The following COLEC10 variants were observed in gnomAD, a reference collection of about 807,000 sequenced individuals.
The protein encoded by COLEC10 is collectin-10.
COLEC10 carries 22 observed loss-of-function variants against 28.4 expected under a neutral mutation model. The observed-to-expected ratio is 0.78, with a 90% CI of 0.55 to 1.11. The LOEUF is 1.11. COLEC10 is among the 50% of genes least tolerant of loss of function. The pLI, the probability that COLEC10 is intolerant of heterozygous loss-of-function variation, is 0.00. For missense variants in COLEC10, 361 were observed against 344.1 expected (o/e 1.05, Z -0.39); for synonymous variants, 125 against 116.1 (o/e 1.08, Z -0.49).
chr8:118,983,832 T>C, the COLEC10 span, among the ~76,000 whole-genome samples: 3 of 152,008 alleles, frequency 2.0e-5, no homozygotes, highest in Admixed American at 1.3e-4. Flanking sequence ...AATAAAAAAA[T>C]AACAGATGCT....
chr8:118,978,204 A>G, the COLEC10 span, among the ~76,000 whole-genome samples: 1 of 152,140 alleles, frequency 6.6e-6, no homozygotes, highest in Admixed American at 6.6e-5. Context: ...TCATAATTCA[A>G]GTATTTCAAG....
At chr8:119,066,240 G>C (rs2130211188), upstream of COLEC10, among the ~76,000 whole-genome samples, 1 of 152,272 alleles carries the variant, frequency 6.6e-6, no homozygotes, top group South Asian at 2.1e-4. Context: ...CAAGAATGGA[G>C]AAGGTAAGGG....
Position 119,002,633 on chromosome 8 carries a change from C to T in COLEC10, n.123-6808C>T, listed in dbSNP as rs1813722598. 2.0e-5 allele frequency among the ~76,000 whole-genome samples: 3 copies of T among 152,034 alleles called. No homozygotes were observed. The South Asian group carries it at 6.2e-4, about 31-fold the overall frequency. On this transcript the variant is annotated intron_variant and non_coding_transcript_variant, in intron 1 of 6. Transcript: ENST00000521788. Reference sequence around the variant, plus strand: ...GAATGATGGCATTTCATTTACAATACTTGGGTGTTCTATTCCAATGACTAA... The same window carrying T: ...GAATGATGGCATTTCATTTACAATATTTGGGTGTTCTATTCCAATGACTAA...
intron 1 of COLEC10, among the ~76,000 whole-genome samples, chr8:119,069,588 AG>A (rs1201884761): frequency 8.1e-6 from 1 of 124,056 alleles, no homozygotes; most frequent in Non-Finnish European, 1.7e-5. Flanking sequence ...CCTGGACAAC[AG>A]AGTGAGACCC....
chr8:118,966,302 A>T, the COLEC10 span, among the ~76,000 whole-genome samples: 2 of 152,196 alleles, frequency 1.3e-5, no homozygotes, highest in African/African-American at 4.8e-5. Flanking sequence ...TATACAAACC[A>T]GACATTAACA....
upstream of COLEC10, among the ~76,000 whole-genome samples, chr8:118,993,065 T>A (rs1189845852): frequency 6.6e-6 from 1 of 152,170 alleles, no homozygotes; most frequent in Admixed American, 6.5e-5. Context: ...TAGGATTGCT[T>A]GCTTAAAAGT....
chr8:118,987,919 G>C, the COLEC10 span, among the ~76,000 whole-genome samples: 1 of 152,106 alleles, frequency 6.6e-6, no homozygotes, highest in Admixed American at 6.6e-5. Context: ...GTAGAGTGTG[G>C]AAGTCATCAC....
chr8:119,090,907 C>T (rs1057197375), intron 2 of COLEC10, among the ~76,000 whole-genome samples: 2 of 152,286 alleles, frequency 1.3e-5, no homozygotes, highest in Admixed American at 1.3e-4. Flanking sequence ...TCTAGAAATA[C>T]TACATCAGCA....
chr8:119,053,442 G>T lies in COLEC10; in HGVS notation n.236-36238G>T, dbSNP rs1018956518. Among the ~76,000 whole-genome samples, 4 of 152,086 alleles carry T rather than the reference G, an allele frequency of 2.6e-5. No homozygotes were observed. The South Asian group carries it at 8.3e-4, about 32-fold the overall frequency. On this transcript the variant is annotated intron_variant and non_coding_transcript_variant, in intron 2 of 6. Coordinates refer to the COLEC10 transcript ENST00000521788. ...TCAAAGCAGGAACACTTGAGTACCC[G>T]AAGGTGTCTGGCACCTGGCTTCCAC...
chr8:119,032,707 C>G (rs1221858102), intron 2 of COLEC10, among the ~76,000 whole-genome samples: 1 of 152,170 alleles, frequency 6.6e-6, no homozygotes, highest in Non-Finnish European at 1.5e-5. Context: ...TGAGACCACC[C>G]TGGCTAACAC....
At chr8:119,105,655 A>T in intron 5 of COLEC10, 145 bp from the exon 6 acceptor site, 1 of 740,942 alleles carries the variant, frequency 1.3e-6, no homozygotes, top group Non-Finnish European at 2.1e-6. Flanking sequence ...GGGGGTAATT[A>T]AATCTGTGAC....
chr8:119,105,990 G>A lies in COLEC10; in HGVS notation c.633G>A (p.Val211=). The A allele has an allele frequency of 6.2e-7, 1 of 1,613,774 alleles. No individual in the cohort carries two copies. The highest frequency in any genetic ancestry group is 8.5e-7 in the Non-Finnish European group (1 of 1,179,872). Residue 211 remains valine, a synonymous_variant, in exon 6 of 6, where the codon GTG becomes GTA. Transcript: ENST00000332843. The part of the protein sequence containing the change: ...KSGFFRVFIG[V]NDLEREGQYM... The stretch of plus-strand genomic sequence containing the variant: ...GCTTCTTTCGGGTGTTCATTGGCGT[G>A]AATGACCTTGAAAGGGAGGGACAGT...
intron 2 of COLEC10, among the ~76,000 whole-genome samples, chr8:119,039,557 G>A (rs780079341): frequency 2.0e-5 from 3 of 152,106 alleles, no homozygotes; most frequent in Non-Finnish European, 2.9e-5. Flanking sequence ...CATTTGGTGT[G>A]GAATGGTATT....
intron 2 of COLEC10, among the ~76,000 whole-genome samples, chr8:119,016,118 G>C (rs985968502): frequency 1.3e-5 from 2 of 151,958 alleles, no homozygotes; most frequent in African/African-American, 4.8e-5. Context: ...CTATCAACCT[G>C]TCATCTAAGT....
In COLEC10 at chr8:119,107,629, C is replaced by T. The variant is rs977142400; in HGVS notation, c.*1438C>T. Among the ~76,000 whole-genome samples the T allele has an allele frequency of 3.3e-5, 5 of 152,116 alleles. No homozygotes were observed. The highest frequency in any genetic ancestry group is 7.4e-5 in the Non-Finnish European group (5 of 68,018). ...CTTAATTAGGTTATTTCTGTGGGTT[C>T]AACAAGGGCCATAAACTCAGATCCT... On this transcript the variant is annotated 3_prime_UTR_variant, in exon 6 of 6. Coordinates refer to ENST00000332843, the MANE Select transcript of COLEC10 (RefSeq NM_006438.5).
upstream of COLEC10, among the ~76,000 whole-genome samples, chr8:119,067,063 CTG>C (rs760527489): frequency 5.9e-5 from 9 of 152,166 alleles, no homozygotes; most frequent in Non-Finnish European, 1.2e-4. Context: ...TTTCAATAAA[CTG>C]TTGTCACTTG....
intron 5 of COLEC10, among the ~76,000 whole-genome samples, chr8:119,104,569 C>T (rs1815901378): frequency 6.6e-6 from 1 of 152,124 alleles, no homozygotes; most frequent in Non-Finnish European, 1.5e-5. Flanking sequence ...TTTTCTGAGA[C>T]AGTATTAATA....
At chr8:118,987,390 CCT>C in the COLEC10 span, among the ~76,000 whole-genome samples, 17 of 152,084 alleles carry the variant, frequency 1.1e-4, no homozygotes, top group Admixed American at 1.1e-3. Flanking sequence ...AGGGCAAAAC[CCT>C]GTCTCTACTG....
chr8:119,053,542 G>C (rs1397627434), intron 2 of COLEC10, among the ~76,000 whole-genome samples: 1 of 152,044 alleles, frequency 6.6e-6, no homozygotes, highest in Non-Finnish European at 1.5e-5. Flanking sequence ...GCTGTGCAGT[G>C]AACAATCAGG....
Sources: gnomAD v4.1 joint callset for allele counts (sites outside exome capture counted in the v4.1 genomes callset) on GRCh38, gnomAD v4.1.1 for gene constraint, MANE v1.5 for transcripts, NCBI Gene and HGNC (gene_info 2026-07-23, HGNC 2026-07-21) for gene names.